Variants in GPC5 observed in about 807,000 individuals in gnomAD.
GPC5 encodes glypican-5.
In GPC5, 47 loss-of-function variants were observed where a neutral mutation model predicts 53.9. That is an observed-to-expected ratio of 0.87 (90% confidence interval 0.69 to 1.11). The LOEUF (loss-of-function observed/expected upper bound fraction) is 1.11. GPC5 is among the 50% of genes most tolerant of loss of function. The probability of loss-of-function intolerance (pLI) is 0.00; values close to 1 mark genes in which losing one functional copy is unlikely to be tolerated. For missense variants in GPC5, 748 were observed against 713.1 expected (o/e 1.05, Z -0.56); for synonymous variants, 286 against 263.3 (o/e 1.09, Z -0.84).
At chr13:92,710,791 T>C (rs958873501) in intron 7 of GPC5, among the ~76,000 whole-genome samples, 1 of 152,180 alleles carries the variant, frequency 6.6e-6, no homozygotes, top group Admixed American at 6.5e-5. Flanking sequence ...TGTGAAACAA[T>C]GAACTATAAA....
chr13:92,045,113 T>G (rs1040291926), intron 6 of GPC5, among the ~76,000 whole-genome samples: 1 of 152,192 alleles, frequency 6.6e-6, no homozygotes, highest in African/African-American at 2.4e-5. Context: ...TCTTTTTCCC[T>G]CCATAGAACT....
At chr13:92,169,370 C>T (rs1032264534) in intron 7 of GPC5, among the ~76,000 whole-genome samples, 6 of 152,112 alleles carry the variant, frequency 3.9e-5, no homozygotes, top group Non-Finnish European at 4.4e-5. Context: ...TTAAAACCAT[C>T]GTTAAATATA....
At position 91,917,110 on chromosome 13, in the gene GPC5, G is replaced by T. The variant is rs1214587855; in HGVS notation, c.1401+9053G>T. 1.3e-5 allele frequency among the ~76,000 whole-genome samples: 2 copies of T among 152,058 alleles called. 1 individual carries two copies. Among genetic ancestry groups the T allele is most frequent in the African/African-American group, 4.8e-5 (2 of 41,384 alleles). The stretch of plus-strand genomic sequence containing the variant: ...TTAAGACAAGGCAAGTCCCTTCCAC[G>T]TATGAGCCTGTAAAATCAAAAGCAA... On this transcript the variant is annotated intron_variant, in intron 6 of 7. Coordinates refer to ENST00000377067, the MANE Select transcript of GPC5 (RefSeq NM_004466.6).
intron 6 of GPC5, among the ~76,000 whole-genome samples, chr13:92,128,824 G>A (rs1441633159): frequency 1.3e-5 from 2 of 152,226 alleles, no homozygotes; most frequent in African/African-American, 2.4e-5. Context: ...TTAGCTGTGC[G>A]TGGTGGTGTG....
At chr13:91,588,046 T>G (rs1243830246) in intron 2 of GPC5, among the ~76,000 whole-genome samples, 1 of 152,118 alleles carries the variant, frequency 6.6e-6, no homozygotes, top group East Asian at 1.9e-4. Context: ...CTGCAAATCA[T>G]CTATGCTACC....
At chr13:91,624,538 A>C (rs2033949024) in intron 2 of GPC5, among the ~76,000 whole-genome samples, 1 of 152,150 alleles carries the variant, frequency 6.6e-6, no homozygotes. Context: ...AGATTATATC[A>C]ATGAAAATCA....
At chr13:92,738,773 T>G (rs1889009805) in intron 7 of GPC5, among the ~76,000 whole-genome samples, 1 of 152,058 alleles carries the variant, frequency 6.6e-6, no homozygotes, top group East Asian at 1.9e-4. Flanking sequence ...TTCTGTAGGA[T>G]TTTCCGTGAA....
At chr13:92,238,465 T>C (rs1435098531) in intron 7 of GPC5, among the ~76,000 whole-genome samples, 1 of 152,114 alleles carries the variant, frequency 6.6e-6, no homozygotes, top group Non-Finnish European at 1.5e-5. Flanking sequence ...GTGATGTTAA[T>C]TGTTCATGTG....
rs533873614 is a variant in GPC5, at chr13:92,037,783, A to G, written c.1402-107047A>G. 4.6e-5 allele frequency among the ~76,000 whole-genome samples: 7 copies of G among 152,312 alleles called. No individual in the cohort carries two copies. In the South Asian group the frequency reaches 1.5e-3, roughly 32 times the overall value. On this transcript the variant is annotated intron_variant, in intron 6 of 7. Transcript: ENST00000377067. ...ATGGCAAATATAAATTTATCCTGCC[A>G]TAGTGGATTTAAGAAACCCTCATTT...
chr13:91,638,903 A>G (rs2034350813), intron 2 of GPC5, among the ~76,000 whole-genome samples: 2 of 152,268 alleles, frequency 1.3e-5, no homozygotes, highest in South Asian at 4.1e-4. Flanking sequence ...GCAAAACAAA[A>G]TAAGTAAATT....
chr13:92,809,451 A>T (rs1437998257), intron 7 of GPC5, among the ~76,000 whole-genome samples: 2 of 152,136 alleles, frequency 1.3e-5, no homozygotes, highest in East Asian at 3.9e-4. Context: ...GCTGTGGTAC[A>T]CTTGTCAAAA....
intron 6 of GPC5, among the ~76,000 whole-genome samples, chr13:92,001,959 C>T (rs1051944950): frequency 6.6e-6 from 1 of 152,128 alleles, no homozygotes; most frequent in East Asian, 1.9e-4. Flanking sequence ...TTGTGAAAGA[C>T]ATTAAATAAC....
intron 6 of GPC5, 22 bp from the exon 7 acceptor site, chr13:92,144,808 G>C: frequency 1.3e-6 from 2 of 1,599,476 alleles, no homozygotes; most frequent in Non-Finnish European, 1.7e-6. Flanking sequence ...ATTAGTAAAG[G>C]CCTTTCTTTA....
intron 1 of GPC5, among the ~76,000 whole-genome samples, chr13:91,420,464 GT>G (rs1245683230): frequency 6.6e-6 from 1 of 152,090 alleles, no homozygotes; most frequent in Non-Finnish European, 1.5e-5. Context: ...ATGTCAAGCT[GT>G]TTATTCTTTT....
At chr13:92,022,023 A>T (rs1401521019) in intron 6 of GPC5, among the ~76,000 whole-genome samples, 1 of 151,714 alleles carries the variant, frequency 6.6e-6, no homozygotes, top group Non-Finnish European at 1.5e-5. Context: ...TTTTTCAGAC[A>T]GAGTCTCGGT....
In GPC5 at chr13:91,410,634, CTA is replaced by C. The variant is rs1594050727; in HGVS notation, c.163+11426_163+11427del. On this transcript the variant is annotated intron_variant, in intron 1 of 7. Coordinates refer to ENST00000377067, the MANE Select transcript of GPC5 (RefSeq NM_004466.6). ...GAGCTGGGATTACAGGCGTGAGCCA[CTA>C]CGCCCGGCCTTCCTTCATCTTAATG... 1.1e-4 allele frequency among the ~76,000 whole-genome samples: 17 copies of C among 152,218 alleles called. No individual in the cohort carries two copies. In the South Asian group the frequency reaches 1.2e-3, roughly 11 times the overall value.
At chr13:91,613,369 A>T (rs1486634128) in intron 2 of GPC5, among the ~76,000 whole-genome samples, 1 of 152,142 alleles carries the variant, frequency 6.6e-6, no homozygotes, top group Non-Finnish European at 1.5e-5. Flanking sequence ...ATTTAATAAG[A>T]CTTATTCACT....
At chr13:91,466,713 C>T (rs1184764280) in intron 2 of GPC5, among the ~76,000 whole-genome samples, 2 of 152,014 alleles carry the variant, frequency 1.3e-5, no homozygotes, top group Non-Finnish European at 2.9e-5. Flanking sequence ...GACTAGGTAA[C>T]TGGTGATGGA....
chr13:92,654,035 G>A lies in GPC5; in HGVS notation c.1562-212247G>A, dbSNP rs569718453. On this transcript the variant is annotated intron_variant, in intron 7 of 7. Coordinates refer to ENST00000377067, the MANE Select transcript of GPC5 (RefSeq NM_004466.6). Reference sequence around the variant, plus strand: ...CACTATCCCCCACAAATAGAACAGTGCCTTGCACAGAGTCAGTACTAAATA... The same window carrying A: ...CACTATCCCCCACAAATAGAACAGTACCTTGCACAGAGTCAGTACTAAATA... Among the ~76,000 whole-genome samples the A allele has an allele frequency of 2.0e-5, 3 of 152,312 alleles. No individual in the cohort carries two copies. The East Asian group carries it at 5.8e-4, about 29-fold the overall frequency.
Sources: gnomAD v4.1 joint callset for allele counts (sites outside exome capture counted in the v4.1 genomes callset) on GRCh38, gnomAD v4.1.1 for gene constraint, MANE v1.5 for transcripts, NCBI Gene and HGNC (gene_info 2026-07-23, HGNC 2026-07-21) for gene names.